The following ADGRE2 variants were observed in gnomAD, a reference collection of about 807,000 sequenced individuals.
The protein encoded by ADGRE2 is CD97 antigen.
ADGRE2 carries 83 observed loss-of-function variants against 100.8 expected under a neutral mutation model. The ratio of observed to expected loss-of-function variants is 0.82; its 90% CI spans 0.69 to 0.99. The LOEUF is 0.99. ADGRE2 is among the 50% of genes least tolerant of loss of function. The pLI, the probability that ADGRE2 is intolerant of heterozygous loss-of-function variation, is 0.00. For synonymous variants in ADGRE2, 355 were observed against 413.0 expected (o/e 0.86, Z 1.70); for missense variants, 814 against 1,035.7 (o/e 0.79, Z 2.94).
At chr19:14,724,789 A>G in the ADGRE2 span, among the ~76,000 whole-genome samples, 1 of 152,152 alleles carries the variant, frequency 6.6e-6, no homozygotes, top group Admixed American at 6.5e-5. Flanking sequence ...TTTGTTTAAA[A>G]ATTTGGCTAT....
At chr19:14,759,117 C>CT (rs1052160190) in intron 11 of ADGRE2, among the ~76,000 whole-genome samples, 1 of 152,060 alleles carries the variant, frequency 6.6e-6, no homozygotes, top group African/African-American at 2.4e-5. Context: ...AATGGATTCT[C>CT]TACCTGGCTG....
chr19:14,759,054 T>C (rs1245635253), intron 11 of ADGRE2, among the ~76,000 whole-genome samples: 1 of 152,094 alleles, frequency 6.6e-6, no homozygotes, highest in Admixed American at 6.6e-5. Flanking sequence ...AGGTGAGCCA[T>C]TTACATACAG....
rs762489386 is a variant in ADGRE2 at position 14,764,426 on chromosome 19, G to A, written c.1084+7C>T. Reference sequence around the variant, plus strand: ...AGCTGGAGTCTGGGGCAGACCCAGGGACCTACCTGTGCCTGCAGGATAACT... The same window carrying A: ...AGCTGGAGTCTGGGGCAGACCCAGGAACCTACCTGTGCCTGCAGGATAACT... On this transcript the variant is annotated splice_region_variant and intron_variant, in intron 11 of 20. Transcript: ENST00000315576. The A allele has an allele frequency of 6.2e-7, 1 of 1,612,544 alleles. No individual in the cohort carries two copies. The highest frequency in any genetic ancestry group is 1.1e-5 in the South Asian group (1 of 91,032).
chr19:14,772,477 G>A lies in ADGRE2; in HGVS notation c.220C>T (p.Leu74=), dbSNP rs1294595076. 18 of 1,613,900 alleles carry A rather than the reference G, an allele frequency of 1.1e-5. No homozygotes were observed. In the Admixed American group the frequency reaches 3.0e-4, roughly 27 times the overall value. The change falls in exon 5 of 21, where the codon CTG becomes TTG. Residue 74 remains leucine (L), a synonymous_variant. Transcript: ENST00000315576. ...TCDDINECAT[L]SKVSCGKFSD... ...AATTTTCCGCATGACACTTTCGACA[G>A]TGTTGCACACTCGTTGATGTCTGGA...
At chr19:14,751,912 C>CATATAT (rs1259908615) in intron 15 of ADGRE2, among the ~76,000 whole-genome samples, 3 of 95,042 alleles carry the variant, frequency 3.2e-5, no homozygotes, top group Admixed American at 1.1e-4. Flanking sequence ...CACACACACA[C>CATATAT]ATATATATAT....
chr19:14,766,956 A>G (rs368683334), intron 6 of ADGRE2, 22 bp downstream of exon 6: 39 of 1,544,264 alleles, frequency 2.5e-5, no homozygotes, highest in East Asian at 1.4e-4. Flanking sequence ...CCAGCCTCAC[A>G]GCGTCTTCCT....
At chr19:14,766,685 G>T (rs957820252) in intron 6 of ADGRE2, among the ~76,000 whole-genome samples, 5 of 152,188 alleles carry the variant, frequency 3.3e-5, no homozygotes, top group African/African-American at 7.2e-5. Context: ...TATGGTGGAG[G>T]TTCCCCTTCT....
chr19:14,742,662 C>T (rs2042965741), intron 20 of ADGRE2, among the ~76,000 whole-genome samples: 1 of 152,210 alleles, frequency 6.6e-6, no homozygotes, highest in Non-Finnish European at 1.5e-5. Context: ...CCAGTTAACA[C>T]TTATTTCTGT....
intron 17 of ADGRE2, among the ~76,000 whole-genome samples, chr19:14,746,571 C>T (rs370685944): frequency 6.6e-6 from 1 of 152,028 alleles, no homozygotes; most frequent in Non-Finnish European, 1.5e-5. Flanking sequence ...CCATGTTGGC[C>T]AGGCTGGTCT....
chr19:14,756,520 T>G (rs909329040), intron 11 of ADGRE2, among the ~76,000 whole-genome samples, 175 bp from the exon 12 acceptor site: 4 of 152,136 alleles, frequency 2.6e-5, no homozygotes, highest in Admixed American at 2.6e-4. Context: ...CTAGATGAAA[T>G]GGACACATTC....
Position 14,752,498 on chromosome 19 carries a change from G to T in ADGRE2, c.1619C>A (p.Thr540Asn). 6.2e-7 allele frequency: 1 copy of T among 1,614,134 alleles called. No individual in the cohort carries two copies. Reference sequence around the variant, plus strand: ...CAGAGAGACGCTCAGCCCCATGTAGGTGATGACAGTCAGCACGGGATCCTC... The same window carrying T: ...CAGAGAGACGCTCAGCCCCATGTAGTTGATGACAGTCAGCACGGGATCCTC... ...QEEDPVLTVI[T>N]YMGLSVSLLC... The change falls in exon 15 of 21, where the codon ACC becomes AAC. Residue 540 changes from threonine (T) to asparagine (N), a missense_variant. By Grantham distance (65) the Thr-to-Asn change is moderately conservative. Around this residue, in one of 5 missense-constraint regions of ADGRE2, gnomAD observed 569 missense variants for 692.7 expected, o/e 0.82. Coordinates refer to ENST00000315576, the MANE Select transcript of ADGRE2 (RefSeq NM_013447.4).
chr19:14,743,621 G>T lies in ADGRE2; in HGVS notation c.2347C>A (p.Gln783Lys). Residue 783 changes from glutamine to lysine, a missense_variant, in exon 19 of 21, where the codon CAG (glutamine) becomes AAG (lysine). Gln to Lys is a moderately conservative substitution (Grantham distance 53). Around this residue, in one of 5 missense-constraint regions of ADGRE2, gnomAD observed 569 missense variants for 692.7 expected, o/e 0.82. Transcript: ENST00000315576. ...TGGGAGCTGGGCAGTGGTACCTGCT[G>T]GCTGAGGAGGCAGTACACCAGGAAG... ...FIFLVYCLLS[Q>K]QVREQYGKWS... 6.2e-7 allele frequency: 1 copy of T among 1,614,170 alleles called. No homozygotes were observed. The highest frequency in any genetic ancestry group is 8.5e-7 in the Non-Finnish European group (1 of 1,180,022).
intron 16 of ADGRE2, among the ~76,000 whole-genome samples, chr19:14,749,668 ATTAT>A (rs369538990): frequency 7.5e-6 from 1 of 133,238 alleles, no homozygotes; most frequent in East Asian, 2.3e-4. Context: ...TAGTTATATA[ATTAT>A]TTATAGCTAT....
chr19:14,738,009 G>C (rs1258496163), intron 20 of ADGRE2, among the ~76,000 whole-genome samples: 1 of 151,618 alleles, frequency 6.6e-6, no homozygotes, highest in Non-Finnish European at 1.5e-5. Flanking sequence ...TCTGAAGTAG[G>C]GTGATTATAG....
intron 10 of ADGRE2, 137 bp from the exon 11 acceptor site, chr19:14,764,747 G>A (rs968110993): frequency 1.5e-5 from 13 of 869,970 alleles, no homozygotes; most frequent in African/African-American, 6.8e-5. Flanking sequence ...GGCTGGGCGC[G>A]GTGGCTCACG....
chr19:14,737,514 G>A (rs187769211), intron 20 of ADGRE2, among the ~76,000 whole-genome samples: 95 of 151,956 alleles, frequency 6.3e-4, no homozygotes, highest in Middle Eastern at 6.8e-3. Flanking sequence ...TTAATCATAA[G>A]GTTTTCTTAC....
At chr19:14,771,535 G>A (rs984649320) in intron 5 of ADGRE2, among the ~76,000 whole-genome samples, 7 of 152,160 alleles carry the variant, frequency 4.6e-5, no homozygotes, top group Non-Finnish European at 5.9e-5. Context: ...AGGCTGTGTC[G>A]AAATAGATTT....
Position 14,743,722 on chromosome 19 carries a change from A to T in ADGRE2, c.2246T>A (p.Ile749Asn). ...CCGGGCAGCCGGACCCACCTGCAAG[A>T]TGCCCAGACACCACGTGCAGCCCAG... ...FILGCTWCLG[I>N]LQVGPAARVM... Residue 749 changes from isoleucine (I) to asparagine (N), a missense_variant, in exon 19 of 21, where the codon ATC becomes AAC. By Grantham distance (149) the Ile-to-Asn change is moderately radical. Coordinates refer to ENST00000315576, the MANE Select transcript of ADGRE2 (RefSeq NM_013447.4). The T allele has an allele frequency of 6.2e-7, 1 of 1,614,182 alleles. No homozygotes were observed. Among genetic ancestry groups the T allele is most frequent in the Non-Finnish European group, 8.5e-7 (1 of 1,180,018 alleles).
chr19:14,760,691 C>T (rs567807369), intron 11 of ADGRE2, among the ~76,000 whole-genome samples: 285 of 151,964 alleles, frequency 1.9e-3, no homozygotes, highest in African/African-American at 5.8e-3. Flanking sequence ...TTGGCCAGGG[C>T]ACTCTAAATT....
Sources: gnomAD v4.1 joint callset for allele counts (sites outside exome capture counted in the v4.1 genomes callset) on GRCh38, gnomAD v4.1.1 for gene constraint, gnomAD v4.1.1 regional missense constraint, MANE v1.5 for transcripts, NCBI Gene and HGNC (gene_info 2026-07-23, HGNC 2026-07-21) for gene names.